Variants in C7orf78 observed in about 807,000 individuals in gnomAD.
C7orf78 encodes the protein putative uncharacterized protein C7orf78.
the C7orf78 span, among the ~76,000 whole-genome samples, chr7:12,514,231 T>C: frequency 6.6e-6 from 1 of 152,076 alleles, no homozygotes; most frequent in Non-Finnish European, 1.5e-5. Flanking sequence ...GGTGCTCCAG[T>C]GTTGGGTGCA....
chr7:12,522,321 A>G, the C7orf78 span, among the ~76,000 whole-genome samples: 8 of 152,108 alleles, frequency 5.3e-5, no homozygotes, highest in Admixed American at 4.6e-4. Context: ...TAACATATTG[A>G]TAATGTCATT....
chr7:12,507,204 G>T, the C7orf78 span: 1 of 190,032 alleles, frequency 5.3e-6, no homozygotes, highest in East Asian at 1.8e-4. Flanking sequence ...CTACTTGGGA[G>T]TCTGAGGCAG....
chr7:12,539,716 G>A, the C7orf78 span, among the ~76,000 whole-genome samples: 6 of 152,174 alleles, frequency 3.9e-5, no homozygotes. Flanking sequence ...TTAATCAGGT[G>A]CTGCAGTCAA....
the C7orf78 span, among the ~76,000 whole-genome samples, chr7:12,488,936 C>G: frequency 3.4e-5 from 5 of 147,504 alleles, no homozygotes; most frequent in Non-Finnish European, 4.5e-5. Context: ...TGGTTTTTTG[C>G]TTTGGCTAAG....
the C7orf78 span, among the ~76,000 whole-genome samples, chr7:12,498,773 A>G: frequency 2.7e-5 from 4 of 149,438 alleles, no homozygotes; most frequent in South Asian, 8.6e-4. Flanking sequence ...ACTCCAAGAC[A>G]CATAATTGTC....
chr7:12,497,606 G>A, the C7orf78 span, among the ~76,000 whole-genome samples: 1 of 152,178 alleles, frequency 6.6e-6, no homozygotes, highest in Admixed American at 6.5e-5. Flanking sequence ...CTCGCTGATT[G>A]CTAGCACAGC....
the C7orf78 span, among the ~76,000 whole-genome samples, chr7:12,503,522 T>A: frequency 6.6e-6 from 1 of 152,010 alleles, no homozygotes; most frequent in South Asian, 2.1e-4. Flanking sequence ...AGATTAGCCA[T>A]AAAAGGTAAT....
At chr7:12,524,265 G>A in the C7orf78 span, among the ~76,000 whole-genome samples, 15 of 152,080 alleles carry the variant, frequency 9.9e-5, no homozygotes, top group Non-Finnish European at 1.8e-4. Context: ...AGCAACGAAC[G>A]AAACAGTATA....
the C7orf78 span, among the ~76,000 whole-genome samples, chr7:12,484,848 A>C: frequency 3.1e-4 from 35 of 112,302 alleles, no homozygotes; most frequent in African/African-American, 1.1e-3. Flanking sequence ...ACTCAGTTGC[A>C]ATAATTTTTT....
the C7orf78 span, among the ~76,000 whole-genome samples, chr7:12,535,251 T>C: frequency 6.6e-6 from 1 of 152,188 alleles, no homozygotes; most frequent in Non-Finnish European, 1.5e-5. Context: ...AAGAGGTTTA[T>C]TGGACTTACA....
At chr7:12,520,246 G>T in the C7orf78 span, among the ~76,000 whole-genome samples, 1 of 152,168 alleles carries the variant, frequency 6.6e-6, no homozygotes, top group African/African-American at 2.4e-5. Flanking sequence ...TATCTGAAAT[G>T]TGATTATCTA....
chr7:12,517,470 GT>G, the C7orf78 span, among the ~76,000 whole-genome samples: 1 of 152,100 alleles, frequency 6.6e-6, no homozygotes, highest in South Asian at 2.1e-4. Flanking sequence ...TGCTAAATAG[GT>G]TTTTGAACAC....
the C7orf78 span, among the ~76,000 whole-genome samples, chr7:12,490,089 C>G: frequency 6.6e-6 from 1 of 152,022 alleles, no homozygotes; most frequent in South Asian, 2.1e-4. Flanking sequence ...AATATGAGGA[C>G]AGATATTTAA....
chr7:12,490,200 A>G, the C7orf78 span, among the ~76,000 whole-genome samples: 44,884 of 151,916 alleles, frequency 0.3, 7,409 homozygotes, highest in African/African-American at 0.45. Context: ...TGGTCTATTT[A>G]CATTTTACTT....
At chr7:12,536,406 TC>T in the C7orf78 span, among the ~76,000 whole-genome samples, 3 of 152,058 alleles carry the variant, frequency 2.0e-5, no homozygotes, top group African/African-American at 7.2e-5. Flanking sequence ...AGGCACCAAG[TC>T]CCTAGGCTGC....
chr7:12,494,427 G>A, the C7orf78 span, among the ~76,000 whole-genome samples: 1 of 152,082 alleles, frequency 6.6e-6, no homozygotes, highest in Non-Finnish European at 1.5e-5. Context: ...GAAGAAGGAG[G>A]TGTCTAACCA....
the C7orf78 span, among the ~76,000 whole-genome samples, chr7:12,540,130 G>T: frequency 2.0e-4 from 30 of 152,150 alleles, no homozygotes; most frequent in African/African-American, 6.5e-4. Flanking sequence ...CAGGAAGTTG[G>T]CTTCCTTTGG....
At chr7:12,537,505 A>G in the C7orf78 span, among the ~76,000 whole-genome samples, 1 of 152,202 alleles carries the variant, frequency 6.6e-6, no homozygotes, top group Admixed American at 6.5e-5. Context: ...TAGAACTCCT[A>G]TACACTGCTT....
At chr7:12,497,121 C>G in the C7orf78 span, among the ~76,000 whole-genome samples, 1 of 152,158 alleles carries the variant, frequency 6.6e-6, no homozygotes, top group East Asian at 1.9e-4. Flanking sequence ...AGTTAATACC[C>G]AAGTCATAGG....
Sources: gnomAD v4.1 joint callset for allele counts (sites outside exome capture counted in the v4.1 genomes callset) on GRCh38, gnomAD v4.1.1 for gene constraint, MANE v1.5 for transcripts, NCBI Gene and HGNC (gene_info 2026-07-23, HGNC 2026-07-21) for gene names.